Variants in WWOX observed in about 807,000 individuals in gnomAD.
WWOX encodes WW domain-containing oxidoreductase.
A neutral mutation model predicts 46.2 loss-of-function variants in WWOX; 69 were observed. The observed-to-expected ratio is 1.49, with a 90% CI of 1.23 to 1.82. WWOX has a LOEUF of 1.82. WWOX is among the 40% of genes most tolerant of loss of function. The pLI is 0.00. For missense variants in WWOX, 919 were observed against 542.6 expected (o/e 1.69, Z -6.89); for synonymous variants, 359 against 202.6 (o/e 1.77, Z -6.56).
At chr16:78,377,200 A>T (rs573217792) in intron 5 of WWOX, among the ~76,000 whole-genome samples, 7 of 152,366 alleles carry the variant, frequency 4.6e-5, no homozygotes, top group African/African-American at 1.7e-4. Context: ...GCTGATGTCC[A>T]GTACGTTGCC....
intron 8 of WWOX, among the ~76,000 whole-genome samples, chr16:78,672,024 T>C (rs1188830523): frequency 6.6e-6 from 1 of 152,182 alleles, no homozygotes; most frequent in Non-Finnish European, 1.5e-5. Context: ...TTTGGGTAGT[T>C]AAGAGTTAAG....
At chr16:78,729,298 C>T (rs1297725777) in intron 8 of WWOX, among the ~76,000 whole-genome samples, 1 of 151,632 alleles carries the variant, frequency 6.6e-6, no homozygotes, top group Non-Finnish European at 1.5e-5. Flanking sequence ...GCTATGATTG[C>T]ACCACTGCAC....
At chr16:78,528,304 A>G (rs961783284) in intron 8 of WWOX, among the ~76,000 whole-genome samples, 2 of 149,266 alleles carry the variant, frequency 1.3e-5, no homozygotes, top group African/African-American at 5.0e-5. Context: ...ATGAGCCACC[A>G]CACCCGCCCT....
intron 8 of WWOX, among the ~76,000 whole-genome samples, chr16:78,450,666 C>G (rs541173265): frequency 2.0e-5 from 3 of 152,082 alleles, no homozygotes; most frequent in Non-Finnish European, 4.4e-5. Context: ...TGCAATAAGT[C>G]TGTTTTTTGA....
chr16:78,805,169 A>G (rs2142676428), intron 8 of WWOX, among the ~76,000 whole-genome samples: 1 of 152,334 alleles, frequency 6.6e-6, no homozygotes, highest in South Asian at 2.1e-4. Flanking sequence ...GGCAAAGAAT[A>G]TTTAACCAAG....
chr16:78,668,876 C>G lies in WWOX; in HGVS notation c.1056+236124C>G, dbSNP rs113011441. ...CACGTGGTGTTCACTTGATAACTCCCTGGCAGGTTCTCTTCATCGGGCCTC... is the reference window on the plus strand; with the variant it reads ...CACGTGGTGTTCACTTGATAACTCCGTGGCAGGTTCTCTTCATCGGGCCTC... On this transcript the variant is annotated intron_variant, in intron 8 of 8. Transcript: ENST00000566780. Among the ~76,000 whole-genome samples the G allele has an allele frequency of 2.7e-3, 416 of 152,280 alleles. 3 individuals carry two copies. The highest frequency in any genetic ancestry group is 9.5e-3 in the African/African-American group (394 of 41,552).
chr16:79,174,228 G>A (rs2050756201), intron 8 of WWOX, among the ~76,000 whole-genome samples: 2 of 152,164 alleles, frequency 1.3e-5, no homozygotes, highest in African/African-American at 4.8e-5. Flanking sequence ...AATGCCTCTT[G>A]GCCACCAATG....
At chr16:78,921,736 T>C (rs1457060337) in intron 8 of WWOX, among the ~76,000 whole-genome samples, 3 of 152,180 alleles carry the variant, frequency 2.0e-5, no homozygotes, top group Non-Finnish European at 4.4e-5. Flanking sequence ...TCTCATGGGC[T>C]ACTGTGAGGA....
intron 8 of WWOX, among the ~76,000 whole-genome samples, chr16:78,706,963 C>T (rs934945989): frequency 1.3e-5 from 2 of 152,172 alleles, no homozygotes; most frequent in African/African-American, 4.8e-5. Context: ...ATGCCTGGCA[C>T]AAACTGCCTT....
At chr16:78,301,202 G>C (rs183652666) in intron 5 of WWOX, among the ~76,000 whole-genome samples, 145 of 152,230 alleles carry the variant, frequency 9.5e-4, no homozygotes, top group Non-Finnish European at 1.6e-3. Flanking sequence ...ATAATACCTA[G>C]TCCATAACAA....
chr16:78,187,015 TG>T, intron 5 of WWOX, among the ~76,000 whole-genome samples: 1 of 152,186 alleles, frequency 6.6e-6, no homozygotes, highest in Non-Finnish European at 1.5e-5. Context: ...TCTCTGTGTG[TG>T]TGTAGTTCTA....
intron 8 of WWOX, among the ~76,000 whole-genome samples, chr16:78,465,432 G>A (rs772930388): frequency 3.7e-4 from 57 of 152,242 alleles, no homozygotes; most frequent in African/African-American, 1.2e-3. Flanking sequence ...CGCCTGCATC[G>A]GCCTCCCGAA....
At chr16:79,168,724 C>T (rs1321121163) in intron 8 of WWOX, among the ~76,000 whole-genome samples, 1 of 152,094 alleles carries the variant, frequency 6.6e-6, no homozygotes, top group African/African-American at 2.4e-5. Flanking sequence ...GAAAGCTGGG[C>T]AAGGGGGAGG....
At chr16:78,353,151 C>T (rs901970119) in intron 5 of WWOX, among the ~76,000 whole-genome samples, 6 of 152,242 alleles carry the variant, frequency 3.9e-5, no homozygotes, top group African/African-American at 1.2e-4. Context: ...ACTATGCATT[C>T]CTTTTTCTGC....
intron 8 of WWOX, among the ~76,000 whole-genome samples, chr16:79,074,236 TA>T (rs1007955200): frequency 1.3e-4 from 19 of 151,702 alleles, no homozygotes; most frequent in Middle Eastern, 3.2e-3. Flanking sequence ...TCTATTTTTT[TA>T]AAAAATATAA....
At chr16:78,115,332 C>A (rs748357292) in intron 4 of WWOX, among the ~76,000 whole-genome samples, 178 bp downstream of exon 4, 8 of 152,130 alleles carry the variant, frequency 5.3e-5, no homozygotes, top group Non-Finnish European at 1.2e-4. Context: ...TCATGGAAGC[C>A]TGTGTAGGGG....
chr16:78,367,413 A>AT (rs59070837), intron 5 of WWOX, among the ~76,000 whole-genome samples: 3 of 151,934 alleles, frequency 2.0e-5, no homozygotes, highest in Admixed American at 1.3e-4. Context: ...ATTTTTTGCC[A>AT]TTTTTTTTTC....
intron 8 of WWOX, among the ~76,000 whole-genome samples, chr16:78,505,048 C>T (rs1340750165): frequency 6.6e-6 from 1 of 152,102 alleles, no homozygotes; most frequent in African/African-American, 2.4e-5. Flanking sequence ...CCTTCTCCTC[C>T]TCTAAGGGAT....
chr16:78,500,827 A>G (rs1229166951), intron 8 of WWOX, among the ~76,000 whole-genome samples: 6 of 152,206 alleles, frequency 3.9e-5, no homozygotes, highest in Non-Finnish European at 5.9e-5. Context: ...CCCAGAGAGC[A>G]TGTACAACAG....
Sources: gnomAD v4.1 joint callset for allele counts (sites outside exome capture counted in the v4.1 genomes callset) on GRCh38, gnomAD v4.1.1 for gene constraint, MANE v1.5 for transcripts, NCBI Gene and HGNC (gene_info 2026-07-23, HGNC 2026-07-21) for gene names.